Variants in FHIT observed in about 807,000 individuals in gnomAD.
FHIT encodes the protein fragile histidine triad diadenosine triphosphatase, also known as bis(5'-adenosyl)-triphosphatase.
In FHIT, 19 loss-of-function variants were observed where a neutral mutation model predicts 17.9. The ratio of observed to expected loss-of-function variants is 1.06; its 90% CI spans 0.74 to 1.56. The LOEUF (loss-of-function observed/expected upper bound fraction) is 1.56, where lower values mean the gene tolerates loss of function less well. Ranked by LOEUF, FHIT falls within the 40% of genes most tolerant of loss-of-function variation. The pLI, the probability that FHIT is intolerant of heterozygous loss-of-function variation, is 0.00. For missense variants in FHIT, 248 were observed against 189.2 expected, an observed-to-expected ratio of 1.31 and a Z score of -1.82; for synonymous variants, 81 against 69.7, an observed-to-expected ratio of 1.16 and a Z score of -0.81.
intron 5 of FHIT, among the ~76,000 whole-genome samples, chr3:60,262,196 A>G (rs962963745): frequency 2.0e-5 from 3 of 152,086 alleles, no homozygotes; most frequent in Non-Finnish European, 4.4e-5. Flanking sequence ...TACAGCATCT[A>G]TGAAGATCCA....
At chr3:61,249,151 G>C (rs946785608) in intron 1 of FHIT, among the ~76,000 whole-genome samples, 1 of 152,138 alleles carries the variant, frequency 6.6e-6, no homozygotes, top group Admixed American at 6.5e-5. Flanking sequence ...TATCTAAAGA[G>C]CTACACATCT....
chr3:60,268,916 C>CA (rs1706724059), intron 5 of FHIT, among the ~76,000 whole-genome samples: 2 of 151,964 alleles, frequency 1.3e-5, no homozygotes, highest in Non-Finnish European at 1.5e-5. Context: ...GAGAAGGTCA[C>CA]AGTGATGAAA....
chr3:60,214,340 T>C (rs547265270), intron 5 of FHIT, among the ~76,000 whole-genome samples: 2 of 152,278 alleles, frequency 1.3e-5, no homozygotes, highest in African/African-American at 4.8e-5. Flanking sequence ...TTCACCAGGC[T>C]GCCTTTCTTA....
intron 7 of FHIT, among the ~76,000 whole-genome samples, chr3:59,964,996 A>C (rs1707856059): frequency 6.6e-6 from 1 of 152,124 alleles, no homozygotes; most frequent in African/African-American, 2.4e-5. Flanking sequence ...ACAAAGTCTT[A>C]TTCAAGGGAA....
chr3:60,951,332 T>C (rs1708876715), intron 3 of FHIT, among the ~76,000 whole-genome samples: 2 of 152,210 alleles, frequency 1.3e-5, no homozygotes, highest in South Asian at 4.1e-4. Context: ...ATATTTTCAT[T>C]CCCTTCAACA....
At chr3:60,283,779 A>G (rs1234167293) in intron 5 of FHIT, among the ~76,000 whole-genome samples, 2 of 151,944 alleles carry the variant, frequency 1.3e-5, no homozygotes. Flanking sequence ...CAATTGGACT[A>G]AATAATGAAA....
At chr3:60,829,935 G>A (rs1702262031) in intron 3 of FHIT, among the ~76,000 whole-genome samples, 1 of 148,592 alleles carries the variant, frequency 6.7e-6, no homozygotes, top group Admixed American at 6.7e-5. Flanking sequence ...TCATAAGGGT[G>A]TCTCCCTTTC....
At chr3:61,229,408 C>T (rs559603460) in intron 1 of FHIT, among the ~76,000 whole-genome samples, 1 of 152,274 alleles carries the variant, frequency 6.6e-6, no homozygotes, top group African/African-American at 2.4e-5. Context: ...CCTGCCAACA[C>T]CTTGATTTTG....
intron 1 of FHIT, among the ~76,000 whole-genome samples, chr3:61,215,644 C>G (rs2039649663): frequency 6.6e-6 from 1 of 152,200 alleles, no homozygotes; most frequent in African/African-American, 2.4e-5. Context: ...GAATAAACTA[C>G]TTTAAAGTTC....
intron 8 of FHIT, among the ~76,000 whole-genome samples, chr3:59,868,910 T>C (rs767228552): frequency 6.6e-6 from 1 of 152,188 alleles, no homozygotes; most frequent in African/African-American, 2.4e-5. Context: ...ATCAACTCTG[T>C]TTGGATCACA....
rs192206099 is a variant in FHIT at position 60,226,340 on chromosome 3, C to T, written c.104-212188G>A. On this transcript the variant is annotated intron_variant, in intron 5 of 9. Transcript: ENST00000492590. ...ATACAAAATTAGCCAGGCATAGTGGCGCATGCCTGTAATCCCAGCTATTCG... is the reference window on the plus strand; with the variant it reads ...ATACAAAATTAGCCAGGCATAGTGGTGCATGCCTGTAATCCCAGCTATTCG... Among the ~76,000 whole-genome samples the T allele has an allele frequency of 1.5e-3, 233 of 151,994 alleles. 1 individual carries two copies. The Middle Eastern group carries it at 0.017, about 11-fold the overall frequency.
chr3:60,053,808 C>A (rs1003896844), intron 5 of FHIT, among the ~76,000 whole-genome samples: 1 of 152,092 alleles, frequency 6.6e-6, no homozygotes, highest in Non-Finnish European at 1.5e-5. Flanking sequence ...AGAGTCCTTT[C>A]CTCATATAAC....
chr3:60,684,324 A>G (rs1272331267), intron 4 of FHIT, among the ~76,000 whole-genome samples: 1 of 152,046 alleles, frequency 6.6e-6, no homozygotes, highest in Non-Finnish European at 1.5e-5. Context: ...ATCTGCAAGG[A>G]CCATTTTTTT....
At position 60,551,345 on chromosome 3, in the gene FHIT, G is replaced by A. The variant is rs566690731; in HGVS notation, c.-17-14366C>T. ...CTATTGTACATTAAAAATCATCTCA[G>A]GACGCCTGGTGTGGTGGCTAATACC... On this transcript the variant is annotated intron_variant, in intron 4 of 9. Coordinates refer to ENST00000492590, the MANE Select transcript of FHIT (RefSeq NM_002012.4). Among the ~76,000 whole-genome samples, 12 of 146,708 alleles carry A rather than the reference G, an allele frequency of 8.2e-5. 1 individual carries two copies. The East Asian group carries it at 8.3e-4, about 10-fold the overall frequency.
At chr3:60,111,183 C>A (rs962543024) in intron 5 of FHIT, among the ~76,000 whole-genome samples, 2 of 152,134 alleles carry the variant, frequency 1.3e-5, no homozygotes, top group African/African-American at 2.4e-5. Context: ...ATTGATTTTT[C>A]TAGTCTTTTA....
intron 3 of FHIT, among the ~76,000 whole-genome samples, chr3:60,890,507 A>G (rs1252275610): frequency 6.6e-6 from 1 of 152,218 alleles, no homozygotes; most frequent in Non-Finnish European, 1.5e-5. Flanking sequence ...GTTTTGAGGT[A>G]GTCTATTACA....
chr3:60,732,039 G>T, intron 4 of FHIT: 1 of 458,004 alleles, frequency 2.2e-6, no homozygotes, highest in South Asian at 2.7e-5. Context: ...GAATTGCAGC[G>T]ACAATACAAA....
At chr3:60,883,521 T>C (rs1705066424) in intron 3 of FHIT, among the ~76,000 whole-genome samples, 1 of 152,066 alleles carries the variant, frequency 6.6e-6, no homozygotes, top group Non-Finnish European at 1.5e-5. Flanking sequence ...AACAAACACA[T>C]AGACCAGTGG....
At chr3:60,460,024 G>T (rs1343661704) in intron 5 of FHIT, among the ~76,000 whole-genome samples, 2 of 152,042 alleles carry the variant, frequency 1.3e-5, no homozygotes, top group Non-Finnish European at 2.9e-5. Context: ...ATAGCCAAAG[G>T]TCAAAATAGT....
Sources: gnomAD v4.1 joint callset for allele counts (sites outside exome capture counted in the v4.1 genomes callset) on GRCh38, gnomAD v4.1.1 for gene constraint, MANE v1.5 for transcripts, NCBI Gene and HGNC (gene_info 2026-07-23, HGNC 2026-07-21) for gene names.